LAMA3: variants seen among roughly 807,000 people sequenced by gnomAD.
The protein encoded by LAMA3 is laminin subunit alpha-3.
LAMA3 carries 281 observed loss-of-function variants against 402.0 expected under a neutral mutation model. The ratio of observed to expected loss-of-function variants is 0.70; its 90% CI spans 0.63 to 0.77. LAMA3 has a LOEUF of 0.77. LAMA3 is among the 30% of genes least tolerant of loss of function. The pLI, the probability that LAMA3 is intolerant of heterozygous loss-of-function variation, is 0.00. For missense variants in LAMA3, 3,840 were observed against 4,215.5 expected, an observed-to-expected ratio of 0.91 and a Z score of 2.47; for synonymous variants, 1,431 against 1,558.4, an observed-to-expected ratio of 0.92 and a Z score of 1.93.
intron 46 of LAMA3, 103 bp downstream of exon 46, chr18:23,899,168 C>G: frequency 1.6e-6 from 2 of 1,280,820 alleles, no homozygotes; most frequent in South Asian, 1.3e-5. Flanking sequence ...GAAAAGAATC[C>G]CATAGTGATA....
intron 1 of LAMA3, among the ~76,000 whole-genome samples, chr18:23,697,817 G>A (rs1210148543): frequency 4.0e-5 from 6 of 150,964 alleles, no homozygotes; most frequent in Non-Finnish European, 5.9e-5. Flanking sequence ...GTACCACAGC[G>A]AGGGTGGCTT....
At chr18:23,907,273 T>G (rs913045024) in intron 52 of LAMA3, among the ~76,000 whole-genome samples, 1 of 152,222 alleles carries the variant, frequency 6.6e-6, no homozygotes, top group African/African-American at 2.4e-5. Context: ...TCTGAGCAGT[T>G]AAGAAGTTTA....
At chr18:23,936,528 CG>C (rs1463856377) in intron 67 of LAMA3, among the ~76,000 whole-genome samples, 2 of 151,870 alleles carry the variant, frequency 1.3e-5, no homozygotes, top group Non-Finnish European at 2.9e-5. Context: ...TCAGTTAAAG[CG>C]AAGGGTGGGG....
Position 23,943,770 on chromosome 18 carries a change from C to G in LAMA3, c.9027-18C>G, listed in dbSNP as rs773954463. 1.2e-6 allele frequency: 2 copies of G among 1,613,136 alleles called. No homozygotes were observed. ...GCTGAACACCTCTATTTCCCTTCATCGCCGATGTTCCCAACAGGTCACAGT... is the reference window on the plus strand; with the variant it reads ...GCTGAACACCTCTATTTCCCTTCATGGCCGATGTTCCCAACAGGTCACAGT... On this transcript the variant is annotated intron_variant, in intron 68 of 74. Transcript: ENST00000313654.
At chr18:23,870,838 A>C (rs908364291) in intron 37 of LAMA3, among the ~76,000 whole-genome samples, 1 of 152,204 alleles carries the variant, frequency 6.6e-6, no homozygotes, top group African/African-American at 2.4e-5. Flanking sequence ...GGGGAGGGAA[A>C]AAGGGAATTG....
Position 23,908,083 on chromosome 18 carries a change from C to T in LAMA3, c.7015+148C>T, listed in dbSNP as rs550977022. The T allele has an allele frequency of 2.1e-5, 16 of 769,948 alleles. 1 individual carries two copies. Among genetic ancestry groups the T allele is most frequent in the East Asian group, 5.2e-5 (2 of 38,098 alleles). The allele number at this position is 769,948 out of a possible 1,614,324, so 47.7% of individuals were successfully genotyped here. On this transcript the variant is annotated intron_variant, in intron 54 of 74. Coordinates refer to ENST00000313654, the MANE Select transcript of LAMA3 (RefSeq NM_198129.4). Reference sequence around the variant, plus strand: ...CACCTGATACAGGATATATTCAAAGCGTATAGATATCCTGCTAGTTGGAAG... The same window carrying T: ...CACCTGATACAGGATATATTCAAAGTGTATAGATATCCTGCTAGTTGGAAG...
intron 12 of LAMA3, among the ~76,000 whole-genome samples, chr18:23,800,888 C>T (rs866101050): frequency 6.6e-6 from 1 of 152,056 alleles, no homozygotes; most frequent in Admixed American, 6.5e-5. Context: ...GAATAGTATT[C>T]CCCTGTGTAT....
At chr18:23,938,834 AG>A (rs940356397) in intron 67 of LAMA3, among the ~76,000 whole-genome samples, 8 of 151,422 alleles carry the variant, frequency 5.3e-5, no homozygotes, top group African/African-American at 1.9e-4. Context: ...AGGGAGAGAA[AG>A]GGGGGGTATT....
chr18:23,939,514 A>G (rs577283884), intron 68 of LAMA3, 128 bp downstream of exon 68: 49 of 1,014,672 alleles, frequency 4.8e-5, no homozygotes, highest in Admixed American at 7.1e-5. Flanking sequence ...ATTTTTGTGC[A>G]AAGAGGTGCT....
intron 23 of LAMA3, among the ~76,000 whole-genome samples, chr18:23,832,529 G>A (rs1309492854): frequency 6.6e-6 from 1 of 152,188 alleles, no homozygotes; most frequent in African/African-American, 2.4e-5. Context: ...TGAGCTTGCA[G>A]GCGGAGGTGG....
chr18:23,872,947 C>T (rs2144828901), intron 38 of LAMA3: 1 of 1,508,968 alleles, frequency 6.6e-7, no homozygotes, highest in African/African-American at 1.4e-5. Flanking sequence ...CAGCCTTCCT[C>T]ACCTGAGTCA....
intron 68 of LAMA3, 73 bp from the exon 69 acceptor site, chr18:23,943,715 C>A (rs1478310100): frequency 6.3e-6 from 9 of 1,420,380 alleles, no homozygotes; most frequent in Non-Finnish European, 1.0e-6. Flanking sequence ...GCTCCCCACC[C>A]TCTGTCTCAG....
intron 64 of LAMA3, among the ~76,000 whole-genome samples, chr18:23,929,201 G>A (rs1040744203): frequency 2.5e-4 from 38 of 152,222 alleles, no homozygotes; most frequent in African/African-American, 8.4e-4. Flanking sequence ...GCAGCTAGTT[G>A]GACAATATTT....
intron 62 of LAMA3, among the ~76,000 whole-genome samples, chr18:23,925,201 G>A (rs1444489396): frequency 6.6e-6 from 1 of 152,230 alleles, no homozygotes; most frequent in African/African-American, 2.4e-5. Context: ...CTGGAGCAAG[G>A]CAAGCAAGTG....
chr18:23,908,688 G>A (rs1318514392), intron 54 of LAMA3, among the ~76,000 whole-genome samples: 4 of 151,928 alleles, frequency 2.6e-5, no homozygotes, highest in African/African-American at 7.3e-5. Context: ...ATCCTCAGGG[G>A]ATATGTTCCA....
At chr18:23,938,650 G>A (rs990031208) in intron 67 of LAMA3, among the ~76,000 whole-genome samples, 2 of 151,946 alleles carry the variant, frequency 1.3e-5, no homozygotes, top group African/African-American at 4.8e-5. Context: ...CTGGCAGGCT[G>A]TGGGTGTCTC....
At chr18:23,811,946 T>G (rs1568209160) in intron 13 of LAMA3, among the ~76,000 whole-genome samples, 1 of 151,984 alleles carries the variant, frequency 6.6e-6, no homozygotes, top group African/African-American at 2.4e-5. Flanking sequence ...TGATCTCAGC[T>G]CACTGCGAGC....
chr18:23,704,814 C>G (rs1409550562), intron 1 of LAMA3, among the ~76,000 whole-genome samples: 1 of 152,036 alleles, frequency 6.6e-6, no homozygotes, highest in Non-Finnish European at 1.5e-5. Flanking sequence ...CCTCTAGCTT[C>G]TTGGAGGAAT....
Position 23,867,817 on chromosome 18 carries a change from T to G in LAMA3, c.4684-17T>G. On this transcript the variant is annotated splice_polypyrimidine_tract_variant and intron_variant, in intron 36 of 74. Coordinates refer to ENST00000313654, the MANE Select transcript of LAMA3 (RefSeq NM_198129.4). ...CCCAGTGAAGGTACTAACACATTCA[T>G]GGTTTTCTTTAAACAGGGTCAGCAC... 1 of 1,600,812 alleles carries G rather than the reference T, an allele frequency of 6.2e-7. No homozygotes were observed. Among genetic ancestry groups the G allele is most frequent in the Non-Finnish European group, 8.6e-7 (1 of 1,167,926 alleles).
Sources: gnomAD v4.1 joint callset for allele counts (sites outside exome capture counted in the v4.1 genomes callset) on GRCh38, gnomAD v4.1.1 for gene constraint, MANE v1.5 for transcripts, NCBI Gene and HGNC (gene_info 2026-07-23, HGNC 2026-07-21) for gene names.